Variants in ARMCX4 observed in about 807,000 individuals in gnomAD.
ARMCX4 encodes armadillo repeat-containing X-linked protein 4.
A neutral mutation model predicts 34.7 loss-of-function variants in ARMCX4; 3 were observed. The observed-to-expected ratio is 0.09, with a 90% CI of 0.04 to 0.22. The LOEUF (loss-of-function observed/expected upper bound fraction) is 0.22, where lower values mean the gene tolerates loss of function less well. Ranked by LOEUF, ARMCX4 falls within the 10% of genes least tolerant of loss-of-function variation. ARMCX4 has a pLI of 1.00. For missense variants in ARMCX4, 1,448 were observed against 1,720.8 expected, an observed-to-expected ratio of 0.84 and a Z score of 2.81; for synonymous variants, 513 against 632.8, an observed-to-expected ratio of 0.81 and a Z score of 2.84.
chrX:101,484,243 C>T (rs1430709061), upstream of ARMCX4, among the ~76,000 whole-genome samples: 1 of 111,354 alleles, frequency 9.0e-6, no homozygotes, highest in African/African-American at 3.3e-5. Context: ...GAACACTCGC[C>T]ACTGCTAGGG....
chrX:101,519,166 A>G (rs1556018564), intron 11 of ARMCX4, among the ~76,000 whole-genome samples: 1 of 111,708 alleles, frequency 9.0e-6, no homozygotes, highest in Non-Finnish European at 1.9e-5. Context: ...TTCTGGTTAG[A>G]GTTTCACATC....
At chrX:101,461,529 A>G (rs1932607410) in intron 4 of ARMCX4, among the ~76,000 whole-genome samples, 1 of 112,058 alleles carries the variant, frequency 8.9e-6, no homozygotes, top group Non-Finnish European at 1.9e-5. Flanking sequence ...ATGGGTGTGC[A>G]AATATATGTT....
chrX:101,495,620 C>A lies in ARMCX4; in HGVS notation c.*158C>A. ...AACACCAAATGAATTCAAGCTTGTA[C>A]TAAAAATACATGTGTTGATTTTTAT... On this transcript the variant is annotated 3_prime_UTR_variant, in exon 6 of 6. Transcript: ENST00000423738. 1 of 464,262 alleles carries A rather than the reference C, an allele frequency of 2.2e-6. No homozygotes were observed. The highest frequency in any genetic ancestry group is 3.3e-6 in the Non-Finnish European group (1 of 304,663). 38.3% of individuals were successfully genotyped at this position (464,262 alleles called of 1,213,427 possible).
chrX:101,508,018 AATAC>A (rs1934494787), intron 8 of ARMCX4, among the ~76,000 whole-genome samples: 1 of 112,164 alleles, frequency 8.9e-6, no homozygotes, highest in Non-Finnish European at 1.9e-5. Context: ...TAGATATGTA[AATAC>A]CATTGTGTAA....
At chrX:101,484,078 A>G (rs2147654673), upstream of ARMCX4, among the ~76,000 whole-genome samples, 1 of 111,827 alleles carries the variant, frequency 8.9e-6, no homozygotes, top group Non-Finnish European at 1.9e-5. Flanking sequence ...ACAAGGCAGG[A>G]CATGAAAAAA....
chrX:101,474,134 C>T (rs1306174717), intron 4 of ARMCX4, among the ~76,000 whole-genome samples: 2 of 51,399 alleles, frequency 3.9e-5, no homozygotes, highest in African/African-American at 1.5e-4. Flanking sequence ...GATATCACCA[C>T]CGATCCCACA....
At chrX:101,431,153 A>C (rs1174167761) in intron 2 of ARMCX4, among the ~76,000 whole-genome samples, 1 of 110,904 alleles carries the variant, frequency 9.0e-6, no homozygotes, top group Non-Finnish European at 1.9e-5. Flanking sequence ...TCCAAAACCT[A>C]CTTTTGGCAC....
chrX:101,429,329 TG>T (rs1407323927), intron 2 of ARMCX4, among the ~76,000 whole-genome samples: 2 of 93,198 alleles, frequency 2.1e-5, no homozygotes, highest in Non-Finnish European at 4.2e-5. Context: ...CCTCCTAGAT[TG>T]TCTTTTTTTT....
chrX:101,418,777 CT>C (rs782291935), intron 1 of ARMCX4: 4,586 of 92,203 alleles, frequency 0.05, 108 homozygotes, highest in Middle Eastern at 0.07. Flanking sequence ...TGCGAGGAGC[CT>C]TTTTTTTTTT....
chrX:101,435,370 G>T (rs1555994228), intron 2 of ARMCX4, among the ~76,000 whole-genome samples: 1 of 111,457 alleles, frequency 9.0e-6, no homozygotes, highest in Non-Finnish European at 1.9e-5. Flanking sequence ...GTTTTGATTT[G>T]CATTTCTCTG....
chrX:101,533,623 TAATC>T (rs1168137532), downstream of ARMCX4, among the ~76,000 whole-genome samples: 7 of 111,915 alleles, frequency 6.3e-5, no homozygotes, highest in Non-Finnish European at 3.8e-5. Context: ...AGCAGAATCT[TAATC>T]AAATTGTACT....
rs1200611727 is a variant in ARMCX4 at position 101,494,690 on chromosome X, A to G, written c.6101A>G (p.His2034Arg). The G allele has an allele frequency of 9.5e-6, 11 of 1,154,188 alleles. No homozygotes were observed. Among genetic ancestry groups the G allele is most frequent in the Non-Finnish European group, 1.3e-5 (11 of 872,648 alleles). Residue 2034 changes from histidine (H) to arginine (R), a missense_variant, in exon 6 of 6, where the codon CAC (histidine) becomes CGC (arginine). By Grantham distance (29) the His-to-Arg change is conservative (BLOSUM62 0). This residue lies in a region of ARMCX4 where 1,343 missense variants were observed against 1,540.7 expected (regional missense o/e 0.87). Coordinates refer to ENST00000423738, the MANE Select transcript of ARMCX4 (RefSeq NM_001256155.3). Reference protein sequence around the residue: ...KTRPWSCRCKHEANMDPRDLE... With the variant: ...KTRPWSCRCKREANMDPRDLE... ...CGGCCCTGGTCTTGCCGCTGTAAACACGAAGCTAATATGGATCCACGAGAT... is the reference window on the plus strand; with the variant it reads ...CGGCCCTGGTCTTGCCGCTGTAAACGCGAAGCTAATATGGATCCACGAGAT...
downstream of ARMCX4, among the ~76,000 whole-genome samples, chrX:101,500,700 C>T (rs1739399052): frequency 8.9e-6 from 1 of 111,892 alleles, no homozygotes. Context: ...GTGTTTTTTT[C>T]CCTATCTGTA....
chrX:101,458,687 A>G (rs1050926269), intron 4 of ARMCX4, among the ~76,000 whole-genome samples: 6 of 110,158 alleles, frequency 5.4e-5, no homozygotes, highest in South Asian at 3.9e-4. Context: ...GGATTTTATC[A>G]TGTTGGCCAG....
chrX:101,504,617 C>T (rs781909171), intron 7 of ARMCX4, among the ~76,000 whole-genome samples: 1 of 111,008 alleles, frequency 9.0e-6, no homozygotes, highest in South Asian at 3.9e-4. Flanking sequence ...GTCTTATAGT[C>T]AGTTCTGGGT....
exon 2 of ARMCX4, chrX:101,418,917 C>T (rs886421041): frequency 9.1e-6 from 1 of 110,163 alleles, no homozygotes; most frequent in Admixed American, 9.7e-5. Context: ...TAGAAACTCG[C>T]ATTGTCTACT....
chrX:101,436,253 A>G (rs1263276836), intron 2 of ARMCX4, among the ~76,000 whole-genome samples: 52 of 110,699 alleles, frequency 4.7e-4, no homozygotes, highest in Admixed American at 1.9e-4. Flanking sequence ...CATTTTCAGG[A>G]TATTGATTCT....
chrX:101,452,539 G>GTTTGTTTTTGTT (rs1251237623), downstream of ARMCX4, among the ~76,000 whole-genome samples: 4 of 111,005 alleles, frequency 3.6e-5, no homozygotes, highest in African/African-American at 6.5e-5. Context: ...TTTTTGGTTT[G>GTTTGTTTTTGTT]TTTGTTTTTG....
intron 11 of ARMCX4, among the ~76,000 whole-genome samples, chrX:101,512,876 AG>A: frequency 1.9e-5 from 2 of 104,099 alleles, no homozygotes; most frequent in African/African-American, 7.0e-5. Flanking sequence ...ATATGTAGAG[AG>A]AGAGAGAGAG....
Sources: gnomAD v4.1 joint callset for allele counts (sites outside exome capture counted in the v4.1 genomes callset) on GRCh38, gnomAD v4.1.1 for gene constraint, gnomAD v4.1.1 regional missense constraint, MANE v1.5 for transcripts, NCBI Gene and HGNC (gene_info 2026-07-23, HGNC 2026-07-21) for gene names.